Variants in RPAP2 observed in about 807,000 individuals in gnomAD.
RPAP2 encodes RNA polymerase II associated protein 2.
In RPAP2, 52 loss-of-function variants were observed where a neutral mutation model predicts 73.1. The ratio of observed to expected loss-of-function variants is 0.71; its 90% CI spans 0.57 to 0.90. RPAP2 has a LOEUF of 0.90. Ranked by LOEUF, RPAP2 falls within the 40% of genes least tolerant of loss-of-function variation. The pLI, the probability that RPAP2 is intolerant of heterozygous loss-of-function variation, is 0.00. For missense variants in RPAP2, 598 were observed against 701.8 expected, an observed-to-expected ratio of 0.85 and a Z score of 1.67; for synonymous variants, 225 against 242.1, an observed-to-expected ratio of 0.93 and a Z score of 0.65.
At chr1:92,371,889 C>CAA (rs1164408246) in intron 11 of RPAP2, among the ~76,000 whole-genome samples, 1,358 of 91,778 alleles carry the variant, frequency 0.015, 35 homozygotes, top group Middle Eastern at 0.034. Context: ...GACCCTGTCT[C>CAA]AAAAAAAAAA....
At chr1:92,379,403 T>A (rs546925927) in intron 11 of RPAP2, among the ~76,000 whole-genome samples, 14 of 152,112 alleles carry the variant, frequency 9.2e-5, no homozygotes, top group Non-Finnish European at 1.5e-4. Context: ...GAGAAAAAAA[T>A]ATATATATTT....
intron 3 of RPAP2, among the ~76,000 whole-genome samples, chr1:92,303,568 A>T (rs1325637496): frequency 6.7e-6 from 1 of 149,830 alleles, no homozygotes; most frequent in Admixed American, 6.6e-5. Context: ...ATTATGCTTT[A>T]AAAAATAGGT....
rs1401592558 is a variant in RPAP2 at position 92,397,010 on chromosome 1, A to G, written c.*9999A>G. ...CTTAAAACAGGTAAAGTTTATGTGTATAAATTATACCTTAATAAAGCTATT... is the reference window on the plus strand; with the variant it reads ...CTTAAAACAGGTAAAGTTTATGTGTGTAAATTATACCTTAATAAAGCTATT... On this transcript the variant is annotated 3_prime_UTR_variant, in exon 13 of 13. Transcript: ENST00000610020. 6.6e-6 allele frequency: 1 copy of G among 152,204 alleles called. No individual in the cohort carries two copies. The highest frequency in any genetic ancestry group is 6.5e-5 in the Admixed American group (1 of 15,274). 9.4% of individuals were successfully genotyped at this position (152,204 alleles called of 1,614,324 possible). A position where few individuals can be genotyped will look rare whatever the true frequency, so the allele number is the denominator to read the frequency against.
At chr1:92,305,677 A>G (rs568108344) in intron 5 of RPAP2, among the ~76,000 whole-genome samples, 11 of 152,230 alleles carry the variant, frequency 7.2e-5, no homozygotes, top group African/African-American at 2.6e-4. Context: ...AGACAGACAA[A>G]CTAATAGAAA....
At chr1:92,317,278 G>T (rs1470843919) in intron 6 of RPAP2, among the ~76,000 whole-genome samples, 2 of 152,172 alleles carry the variant, frequency 1.3e-5, no homozygotes, top group Non-Finnish European at 2.9e-5. Flanking sequence ...GGAGGCCGAG[G>T]CGGGTGAATC....
At chr1:92,313,207 G>T (rs368707684) in intron 6 of RPAP2, among the ~76,000 whole-genome samples, 1 of 152,142 alleles carries the variant, frequency 6.6e-6, no homozygotes, top group Admixed American at 6.5e-5. Context: ...GAATCCTTTC[G>T]TGAAGGATTT....
intron 3 of RPAP2, among the ~76,000 whole-genome samples, chr1:92,303,062 A>G (rs984833627): frequency 2.0e-5 from 3 of 152,194 alleles, no homozygotes; most frequent in Non-Finnish European, 4.4e-5. Flanking sequence ...AAAAATTTTG[A>G]AACAGCTTTA....
intron 6 of RPAP2, among the ~76,000 whole-genome samples, chr1:92,312,549 C>T (rs777783585): frequency 2.0e-5 from 3 of 152,150 alleles, no homozygotes; most frequent in Non-Finnish European, 4.4e-5. Context: ...GAGTAGATTC[C>T]ATCTCAAGAA....
chr1:92,358,755 A>T (rs1654603665), intron 11 of RPAP2, among the ~76,000 whole-genome samples: 1 of 145,410 alleles, frequency 6.9e-6, no homozygotes, highest in African/African-American at 2.6e-5. Context: ...GCTCAGCTTT[A>T]AAAAAAAAAA....
At position 92,393,563 on chromosome 1, in the gene RPAP2, T is replaced by C. The variant is rs549632035; in HGVS notation, c.*6552T>C. ...CAACCTACAGAATGGGAGAACATTT[T>C]TGCAATATATCCATCTGACAAAGGG... On this transcript the variant is annotated 3_prime_UTR_variant, in exon 13 of 13. Coordinates refer to ENST00000610020, the MANE Select transcript of RPAP2 (RefSeq NM_024813.3). The C allele has an allele frequency of 6.6e-5, 10 of 152,326 alleles. No homozygotes were observed. The highest frequency in any genetic ancestry group is 2.4e-4 in the African/African-American group (10 of 41,576). The allele number at this position is 152,326 out of a possible 1,614,324, so 9.4% of individuals were successfully genotyped here.
intron 7 of RPAP2, among the ~76,000 whole-genome samples, chr1:92,321,560 G>A (rs1342316858): frequency 6.6e-6 from 1 of 151,980 alleles, no homozygotes; most frequent in African/African-American, 2.4e-5. Flanking sequence ...GATAGTGTCT[G>A]TGCTTTAGAG....
chr1:92,369,715 G>A (rs912806646), intron 11 of RPAP2, among the ~76,000 whole-genome samples: 4 of 152,042 alleles, frequency 2.6e-5, no homozygotes, highest in Admixed American at 6.6e-5. Flanking sequence ...AATTAAACAG[G>A]TAAGTAATTA....
intron 3 of RPAP2, among the ~76,000 whole-genome samples, chr1:92,301,949 A>G (rs1188137510): frequency 1.3e-5 from 2 of 152,222 alleles, no homozygotes; most frequent in African/African-American, 4.8e-5. Context: ...TTAAAACATC[A>G]CATACTACCC....
intron 11 of RPAP2, among the ~76,000 whole-genome samples, chr1:92,371,955 TA>T (rs1048691710): frequency 7.1e-6 from 1 of 141,698 alleles, no homozygotes; most frequent in African/African-American, 2.6e-5. Context: ...TAGAAAGCAA[TA>T]AATATTAGCC....
At chr1:92,342,570 T>C (rs115482607) in intron 10 of RPAP2, among the ~76,000 whole-genome samples, 2,121 of 152,290 alleles carry the variant, frequency 0.014, 49 homozygotes, top group African/African-American at 0.047. Flanking sequence ...TCATTTTGGC[T>C]GCCAAGTTGA....
At chr1:92,325,221 G>C (rs1330426990) in intron 8 of RPAP2, among the ~76,000 whole-genome samples, 1 of 152,102 alleles carries the variant, frequency 6.6e-6, no homozygotes. Flanking sequence ...TAATAACCTT[G>C]TTTTTACCAC....
chr1:92,380,712 T>C lies in RPAP2; in HGVS notation c.1689-12T>C, dbSNP rs2101447386. 1.9e-6 allele frequency: 3 copies of C among 1,552,242 alleles called. No individual in the cohort carries two copies. Among genetic ancestry groups the C allele is most frequent in the Non-Finnish European group, 2.6e-6 (3 of 1,157,182 alleles). ...TTCATGGATATGCATTTAGTATTTT[T>C]GGTTGTTTCAGACTGACCCCAATTC... On this transcript the variant is annotated splice_polypyrimidine_tract_variant and intron_variant, in intron 11 of 12. Transcript: ENST00000610020.
chr1:92,348,440 G>C (rs570661760), intron 11 of RPAP2, among the ~76,000 whole-genome samples: 1 of 152,172 alleles, frequency 6.6e-6, no homozygotes, highest in African/African-American at 2.4e-5. Flanking sequence ...TTGAAATCTT[G>C]TTTTCTGATA....
chr1:92,302,764 T>TA (rs1650955256), intron 3 of RPAP2, among the ~76,000 whole-genome samples: 1 of 151,872 alleles, frequency 6.6e-6, no homozygotes. Flanking sequence ...TACGCCCGGC[T>TA]AATTTTTTTG....
Sources: gnomAD v4.1 joint callset for allele counts (sites outside exome capture counted in the v4.1 genomes callset) on GRCh38, gnomAD v4.1.1 for gene constraint, MANE v1.5 for transcripts, NCBI Gene and HGNC (gene_info 2026-07-23, HGNC 2026-07-21) for gene names.